The following PODXL variants were observed in gnomAD, a reference collection of about 807,000 sequenced individuals.
PODXL encodes podocalyxin.
PODXL carries 20 observed loss-of-function variants against 48.9 expected under a neutral mutation model. That is an observed-to-expected ratio of 0.41 (90% CI 0.29 to 0.59). The LOEUF (loss-of-function observed/expected upper bound fraction) is 0.59, where lower values mean the gene tolerates loss of function less well. Ranked by LOEUF, PODXL falls within the 20% of genes least tolerant of loss-of-function variation. The pLI is 0.31. For missense variants in PODXL, 606 were observed against 675.1 expected, an observed-to-expected ratio of 0.90 and a Z score of 1.13; for synonymous variants, 295 against 287.4, an observed-to-expected ratio of 1.03 and a Z score of -0.27.
chr7:131,547,189 C>T (rs1383373371), intron 1 of PODXL, among the ~76,000 whole-genome samples: 1 of 152,128 alleles, frequency 6.6e-6, no homozygotes, highest in African/African-American at 2.4e-5. Flanking sequence ...GCCTGACCAA[C>T]AAGGAGAAAC....
chr7:131,511,417 C>T lies in PODXL; in HGVS notation c.117G>A (p.Thr39=), dbSNP rs768021099. 18 of 1,600,858 alleles carry T rather than the reference C, an allele frequency of 1.1e-5. No homozygotes were observed. Among genetic ancestry groups the T allele is most frequent in the South Asian group, 2.2e-5 (2 of 91,056 alleles). ...TCGGTGCTGTTTTGTTAGATGAGTC[C>T]GTAGTAGTCTGGGTTGCTGTTTGTA... ...SPSQNATQTT[T]DSSNKTAPTP... is the part of the protein sequence containing the mutation. Residue 39 remains threonine, a synonymous_variant, in exon 2 of 9, where the codon ACG becomes ACA. Transcript: ENST00000378555.
chr7:131,534,816 G>A (rs956600474), intron 1 of PODXL, among the ~76,000 whole-genome samples: 2 of 152,212 alleles, frequency 1.3e-5, no homozygotes, highest in Non-Finnish European at 2.9e-5. Flanking sequence ...TTGGGAAGCT[G>A]AGGTGGGCAG....
intron 5 of PODXL, among the ~76,000 whole-genome samples, chr7:131,508,384 G>A (rs1157589348): frequency 6.6e-6 from 1 of 152,154 alleles, no homozygotes; most frequent in Non-Finnish European, 1.5e-5. Context: ...AGCCACAGAC[G>A]ATTAAAGCAG....
chr7:131,505,768 G>C (rs952850840), intron 8 of PODXL, 100 bp downstream of exon 8: 6 of 1,192,722 alleles, frequency 5.0e-6, no homozygotes, highest in Non-Finnish European at 7.0e-6. Flanking sequence ...AGGGTCCAGG[G>C]CCTGCTCCCT....
chr7:131,516,022 A>G (rs896104938), intron 1 of PODXL, among the ~76,000 whole-genome samples: 1 of 152,278 alleles, frequency 6.6e-6, no homozygotes. Context: ...GATATTTAAC[A>G]TAAGGGTGCT....
chr7:131,538,132 T>G (rs1220093537), intron 1 of PODXL, among the ~76,000 whole-genome samples: 1 of 152,082 alleles, frequency 6.6e-6, no homozygotes, highest in Non-Finnish European at 1.5e-5. Flanking sequence ...AGGAGGGAGA[T>G]GAACCAGGAG....
intron 1 of PODXL, among the ~76,000 whole-genome samples, chr7:131,534,491 C>A (rs934969397): frequency 1.3e-5 from 2 of 152,206 alleles, no homozygotes; most frequent in African/African-American, 4.8e-5. Context: ...GGCTCCAGGA[C>A]CAGTGCCTGG....
chr7:131,545,871 C>G (rs1346626138), intron 1 of PODXL, among the ~76,000 whole-genome samples: 1 of 152,236 alleles, frequency 6.6e-6, no homozygotes, highest in Non-Finnish European at 1.5e-5. Context: ...CAGTTTGGAA[C>G]ACAGCTTGCT....
At chr7:131,551,601 C>T (rs2116872620) in intron 1 of PODXL, among the ~76,000 whole-genome samples, 2 of 152,284 alleles carry the variant, frequency 1.3e-5, no homozygotes, top group African/African-American at 4.8e-5. Context: ...CCTGAGAAGT[C>T]CAGTGAACTG....
intron 1 of PODXL, among the ~76,000 whole-genome samples, chr7:131,555,103 G>T (rs1798723181): frequency 1.3e-5 from 2 of 152,122 alleles, no homozygotes; most frequent in South Asian, 4.1e-4. Flanking sequence ...GTTTCCTGCG[G>T]TGCAGAGGAG....
chr7:131,511,702 C>T (rs546996867), intron 1 of PODXL, among the ~76,000 whole-genome samples: 26 of 152,266 alleles, frequency 1.7e-4, no homozygotes, highest in African/African-American at 5.3e-4. Flanking sequence ...GCTATCCTCC[C>T]GCCTCTGCCT....
chr7:131,515,827 A>G (rs1797985446), intron 1 of PODXL, among the ~76,000 whole-genome samples: 1 of 152,192 alleles, frequency 6.6e-6, no homozygotes, highest in Non-Finnish European at 1.5e-5. Flanking sequence ...GATCCTCAAT[A>G]ACCTCACTTC....
intron 1 of PODXL, among the ~76,000 whole-genome samples, chr7:131,549,741 CCT>C (rs1339649593): frequency 6.6e-6 from 1 of 152,224 alleles, no homozygotes. Context: ...TTCTCTTCCC[CCT>C]GAGTGGAGGC....
intron 1 of PODXL, among the ~76,000 whole-genome samples, chr7:131,539,760 CGTGCCCA>C (rs999709033): frequency 5.3e-5 from 8 of 152,332 alleles, no homozygotes; most frequent in South Asian, 2.1e-4. Flanking sequence ...CAGGAACGTC[CGTGCCCA>C]GTCTGGGTGC....
intron 1 of PODXL, among the ~76,000 whole-genome samples, chr7:131,547,897 GGCCCT>G (rs1798608455): frequency 1.3e-5 from 2 of 152,182 alleles, no homozygotes; most frequent in Non-Finnish European, 2.9e-5. Context: ...GTATTTCCTT[GGCCCT>G]GCACTCACCT....
chr7:131,515,996 C>T (rs1343279653), intron 1 of PODXL, among the ~76,000 whole-genome samples: 3 of 152,180 alleles, frequency 2.0e-5, no homozygotes, highest in African/African-American at 7.2e-5. Flanking sequence ...TACAAAAAAA[C>T]TTGCAAATAT....
intron 1 of PODXL, among the ~76,000 whole-genome samples, chr7:131,511,832 A>G (rs73157524): frequency 0.13 from 20,402 of 152,210 alleles, 1,555 homozygotes; most frequent in Middle Eastern, 0.26. Context: ...GCCCAGGCCA[A>G]TGAGGCCCAC....
At chr7:131,508,516 C>CA in intron 5 of PODXL, among the ~76,000 whole-genome samples, 1 of 152,304 alleles carries the variant, frequency 6.6e-6, no homozygotes, top group South Asian at 2.1e-4. Context: ...CTCAGCTTCT[C>CA]AAAGTGTTGG....
intron 1 of PODXL, among the ~76,000 whole-genome samples, chr7:131,525,419 T>C: frequency 1.1e-5 from 1 of 91,742 alleles, no homozygotes; most frequent in Non-Finnish European, 2.0e-5. Flanking sequence ...CAAAACCTCA[T>C]CTCTACCAAA....
Sources: gnomAD v4.1 joint callset for allele counts (sites outside exome capture counted in the v4.1 genomes callset) on GRCh38, gnomAD v4.1.1 for gene constraint, MANE v1.5 for transcripts, NCBI Gene and HGNC (gene_info 2026-07-23, HGNC 2026-07-21) for gene names.